POTEE: variants seen among roughly 807,000 people sequenced by gnomAD.
The protein encoded by POTEE is ANKRD26-like family C member 1A.
POTEE carries 21 observed loss-of-function variants against 74.2 expected under a neutral mutation model. The observed-to-expected ratio is 0.28, with a 90% CI of 0.20 to 0.41. The LOEUF (loss-of-function observed/expected upper bound fraction) is 0.41, where lower values mean the gene tolerates loss of function less well. Among genes scored for constraint, POTEE ranks in the 10% least tolerant of loss-of-function variants. The pLI is 1.00. For missense variants in POTEE, 525 were observed against 1,158.6 expected (o/e 0.45, Z 7.94); for synonymous variants, 211 against 432.8 (o/e 0.49, Z 6.36).
chr2:131,212,964 A>ATT (rs57978458), intron 2 of POTEE, among the ~76,000 whole-genome samples: 2 of 138,708 alleles, frequency 1.4e-5, no homozygotes, highest in African/African-American at 5.9e-5. Context: ...ATTGTGTGTA[A>ATT]TTTTTTTTTT....
rs1340688795 is a variant in POTEE, at chr2:131,260,165, A to G, written c.1779-1561A>G. ...ATTTCTGAGTTGTCTGTTCTGTTCC[A>G]TTGATCTATGTATCTGTTTTTATAC... On this transcript the variant is annotated intron_variant, in intron 16 of 17. Transcript: ENST00000683005. 1.9e-3 allele frequency among the ~76,000 whole-genome samples: 282 copies of G among 145,038 alleles called. 1 individual carries two copies. Among genetic ancestry groups the G allele is most frequent in the Middle Eastern group, 6.9e-3 (2 of 290 alleles).
intron 6 of POTEE, among the ~76,000 whole-genome samples, chr2:131,225,677 C>T (rs1573706997): frequency 6.7e-6 from 1 of 148,730 alleles, no homozygotes; most frequent in African/African-American, 2.5e-5. Flanking sequence ...AGATGGTCCT[C>T]CAACCTCAGT....
chr2:131,211,520 C>CTCTGTGTGTGTGTGTGTGTGTGTGTG (rs1553474098), intron 2 of POTEE, among the ~76,000 whole-genome samples: 6 of 50,264 alleles, frequency 1.2e-4, no homozygotes, highest in Non-Finnish European at 1.6e-4. Flanking sequence ...TAGGGGGTGA[C>CTCTGTGTGTGTGTGTGTGTGTGTGTG]TGTGTGTGTG....
In POTEE at chr2:131,263,865, C is replaced by A; in HGVS notation, c.2410C>A (p.Leu804Met). 6.2e-7 allele frequency: 1 copy of A among 1,614,204 alleles called. No individual in the cohort carries two copies. Among genetic ancestry groups the A allele is most frequent in the Non-Finnish European group, 8.5e-7 (1 of 1,180,030 alleles). ...LRVAPEEHPI[L>M]LTEAPLNPKA... ...TGTGGCTCCCGAGGAGCACCCCATC[C>A]TGCTGACCGAGGCCCCCCTGAACCC... Residue 804 changes from leucine to methionine, a missense_variant, in exon 18 of 18, where the codon CTG becomes ATG. By Grantham distance (15) the Leu-to-Met change is conservative. Transcript: ENST00000683005.
At chr2:131,219,812 A>C (rs1212233992) in intron 4 of POTEE, among the ~76,000 whole-genome samples, 1 of 151,848 alleles carries the variant, frequency 6.6e-6, no homozygotes, top group Admixed American at 6.6e-5. Context: ...GCAAAGTTTT[A>C]GCGTTTTTAA....
At chr2:131,218,083 T>C (rs1385845025) in intron 3 of POTEE, 9 of 476,652 alleles carry the variant, frequency 1.9e-5, no homozygotes, top group African/African-American at 9.9e-5. Context: ...GCTTGACCTT[T>C]TCTCTGCTGG....
In POTEE at chr2:131,209,546, C is replaced by G. The variant is rs1388184343; in HGVS notation, c.-618C>G. Among the ~76,000 whole-genome samples the G allele has an allele frequency of 6.6e-6, 1 of 152,208 alleles. No individual in the cohort carries two copies. The highest frequency in any genetic ancestry group is 1.5e-5 in the Non-Finnish European group (1 of 68,036). On this transcript the variant is annotated 5_prime_UTR_variant, in exon 1 of 18. Transcript: ENST00000683005. ...AGGTGGCGTCAGGTCATTTCAGGCT[C>G]TTAAGTGTGGGCGTTTGGTAACCGG...
intron 8 of POTEE, among the ~76,000 whole-genome samples, chr2:131,229,405 C>T (rs1386978699): frequency 1.3e-5 from 2 of 152,126 alleles, no homozygotes; most frequent in African/African-American, 2.4e-5. Context: ...GTGGTTGGCC[C>T]CTTGAGTGAT....
In POTEE at chr2:131,238,226, T is replaced by G. The variant is rs1701205024; in HGVS notation, c.1230T>G (p.Asp410Glu). 1 of 1,598,324 alleles carries G rather than the reference T, an allele frequency of 6.3e-7. No homozygotes were observed. Among genetic ancestry groups the G allele is most frequent in the Non-Finnish European group, 8.5e-7 (1 of 1,174,966 alleles). Residue 410 changes from aspartate (D) to glutamate (E), a missense_variant, in exon 11 of 18, where the codon GAT becomes GAG. Coordinates refer to ENST00000683005, the MANE Select transcript of POTEE (RefSeq NM_001083538.3). ...CTCAAGAACTAGAAATAAATAAGGA[T>G]GGTGATAGAGAGGTATACCTTCATA... Reference protein sequence around the residue: ...KMSQELEINKDGDREVEEEMK... With the variant: ...KMSQELEINKEGDREVEEEMK...
At chr2:131,218,259 C>T (rs1240586009) in intron 3 of POTEE, 51 bp from the exon 4 acceptor site, 1 of 1,488,342 alleles carries the variant, frequency 6.7e-7, no homozygotes, top group East Asian at 2.4e-5. Flanking sequence ...GCTGGAATCC[C>T]CTGCTGGGGT....
At chr2:131,236,507 G>A (rs1044094141) in intron 9 of POTEE, among the ~76,000 whole-genome samples, 2 of 151,942 alleles carry the variant, frequency 1.3e-5, no homozygotes, top group African/African-American at 4.8e-5. Context: ...TGGTGGTTTT[G>A]TTCATTTATG....
chr2:131,218,106 C>T (rs1220405529), intron 3 of POTEE: 42 of 526,846 alleles, frequency 8.0e-5, no homozygotes, highest in Non-Finnish European at 1.2e-4. Flanking sequence ...TTGGCATTCC[C>T]TTGGGTGGGC....
At chr2:131,228,969 G>A (rs1700863955) in intron 8 of POTEE, among the ~76,000 whole-genome samples, 1 of 146,968 alleles carries the variant, frequency 6.8e-6, no homozygotes, top group South Asian at 2.1e-4. Flanking sequence ...AGTCTTCATG[G>A]CGATTCATAC....
chr2:131,218,492 T>C lies in POTEE; in HGVS notation c.90T>C (p.Arg30=). The change falls in exon 4 of 18, where the codon CGT becomes CGC. Residue 30 remains arginine, a synonymous_variant. Coordinates refer to ENST00000683005, the MANE Select transcript of POTEE (RefSeq NM_001083538.3). ...GCAAGATGGGCAAGTGGTGCTGCCG[T>C]TGCTTCCCCTGCTACAGGGAGAGCG... is the stretch of plus-strand genomic sequence containing the variant. ...LRSKMGKWCC[R]CFPCYRESGK... The C allele has an allele frequency of 6.2e-7, 1 of 1,612,422 alleles. No individual in the cohort carries two copies. The highest frequency in any genetic ancestry group is 1.1e-5 in the South Asian group (1 of 91,024).
At chr2:131,237,325 A>G (rs896536661) in intron 10 of POTEE, among the ~76,000 whole-genome samples, 3 of 151,950 alleles carry the variant, frequency 2.0e-5, no homozygotes, top group African/African-American at 7.3e-5. Flanking sequence ...TTATATTGTC[A>G]GTCACTGTGA....
At position 131,260,819 on chromosome 2, in the gene POTEE, A is replaced by G. The variant is rs1202321911; in HGVS notation, c.1779-907A>G. On this transcript the variant is annotated intron_variant, in intron 16 of 17. Transcript: ENST00000683005. ...GGATGCCCTTTATTTCTCTTGCCCA[A>G]TTGCTCTGCCTAGGACTTCCCAGTT... 7.9e-4 allele frequency among the ~76,000 whole-genome samples: 58 copies of G among 73,492 alleles called. 1 individual carries two copies. The highest frequency in any genetic ancestry group is 2.5e-3 in the African/African-American group (54 of 21,268). 48.2% of individuals were successfully genotyped at this position (73,492 alleles called of 152,430 possible).
rs1274647614 is a variant in POTEE, at chr2:131,211,111, G to C, written c.-261G>C. Among the ~76,000 whole-genome samples the C allele has an allele frequency of 6.6e-6, 1 of 151,754 alleles. No individual in the cohort carries two copies. Among genetic ancestry groups the C allele is most frequent in the South Asian group, 2.1e-4 (1 of 4,818 alleles). On this transcript the variant is annotated 5_prime_UTR_variant, in exon 2 of 18. Transcript: ENST00000683005. ...AATCACCTGTGGTACGCTGGAGCCTGCATGTGGCGTGACTCTGCAGCTCGC... is the reference window on the plus strand; with the variant it reads ...AATCACCTGTGGTACGCTGGAGCCTCCATGTGGCGTGACTCTGCAGCTCGC...
chr2:131,211,441 A>G (rs1362697962), intron 2 of POTEE, among the ~76,000 whole-genome samples: 1 of 140,544 alleles, frequency 7.1e-6, no homozygotes, highest in African/African-American at 2.6e-5. Context: ...CTTCTCTTGC[A>G]ATCTCTGGAG....
chr2:131,236,262 G>A (rs1035544180), intron 9 of POTEE, among the ~76,000 whole-genome samples: 17 of 152,090 alleles, frequency 1.1e-4, no homozygotes, highest in African/African-American at 4.1e-4. Context: ...ACCTTGCTCT[G>A]GGATGTCTGG....
Sources: gnomAD v4.1 joint callset for allele counts (sites outside exome capture counted in the v4.1 genomes callset) on GRCh38, gnomAD v4.1.1 for gene constraint, MANE v1.5 for transcripts, NCBI Gene and HGNC (gene_info 2026-07-23, HGNC 2026-07-21) for gene names.